Variants in NTRK2 observed in about 807,000 individuals in gnomAD.
The protein encoded by NTRK2 is neurotrophic receptor tyrosine kinase 2, also known as BDNF/NT-3 growth factors receptor.
NTRK2 carries 13 observed loss-of-function variants against 94.5 expected under a neutral mutation model. That is an observed-to-expected ratio of 0.14 (90% CI 0.09 to 0.22). The LOEUF is 0.22. NTRK2 is among the 10% of genes least tolerant of loss of function. The pLI is 1.00. For synonymous variants in NTRK2, 372 were observed against 407.4 expected (o/e 0.91, Z 1.05); for missense variants, 639 against 1,071.2 (o/e 0.60, Z 5.63).
chr9:84,830,291 A>T (rs561566746), intron 12 of NTRK2, among the ~76,000 whole-genome samples: 42 of 152,292 alleles, frequency 2.8e-4, no homozygotes, highest in African/African-American at 9.6e-4. Flanking sequence ...AGTTTCCTGT[A>T]CACAGAATGT....
intron 6 of NTRK2, among the ~76,000 whole-genome samples, chr9:84,716,520 C>T (rs1432475995): frequency 6.6e-5 from 10 of 152,106 alleles, no homozygotes; most frequent in Non-Finnish European, 1.2e-4. Flanking sequence ...TTAACACTCC[C>T]AGATTAAAAG....
chr9:84,760,099 A>G (rs1276688088), intron 12 of NTRK2, among the ~76,000 whole-genome samples: 1 of 152,192 alleles, frequency 6.6e-6, no homozygotes, highest in Admixed American at 6.5e-5. Flanking sequence ...CTTCAACCCA[A>G]GGAACATATA....
At chr9:84,799,181 A>C (rs963701075) in intron 12 of NTRK2, among the ~76,000 whole-genome samples, 24 of 152,176 alleles carry the variant, frequency 1.6e-4, no homozygotes, top group South Asian at 4.2e-4. Context: ...GCAGGTTGGC[A>C]TTCCTAGAAA....
At chr9:84,963,457 G>A (rs762387138) in intron 17 of NTRK2, among the ~76,000 whole-genome samples, 7 of 152,168 alleles carry the variant, frequency 4.6e-5, no homozygotes, top group East Asian at 1.9e-4. Context: ...ACTATAAATC[G>A]AAGTGATACA....
intron 17 of NTRK2, among the ~76,000 whole-genome samples, chr9:84,986,367 T>C (rs1469785695): frequency 1.3e-5 from 2 of 152,174 alleles, no homozygotes; most frequent in Non-Finnish European, 1.5e-5. Flanking sequence ...TCATCATCAT[T>C]AGCTAGATTC....
chr9:85,013,076 C>T (rs1239450989), intron 17 of NTRK2, among the ~76,000 whole-genome samples: 1 of 152,144 alleles, frequency 6.6e-6, no homozygotes, highest in Non-Finnish European at 1.5e-5. Context: ...GGAGATGAAG[C>T]TGGTTCCAGC....
At chr9:84,947,392 G>A (rs1487601011) in intron 15 of NTRK2, among the ~76,000 whole-genome samples, 1 of 152,216 alleles carries the variant, frequency 6.6e-6, no homozygotes, top group African/African-American at 2.4e-5. Context: ...CATATTCACA[G>A]GCTCCCAGGA....
At chr9:84,771,719 G>A (rs1000418869) in intron 12 of NTRK2, among the ~76,000 whole-genome samples, 16 of 152,170 alleles carry the variant, frequency 1.1e-4, no homozygotes, top group African/African-American at 3.1e-4. Flanking sequence ...CTTCAGGAAT[G>A]CTTCTCTGAT....
chr9:84,891,831 T>G (rs2076603912), intron 14 of NTRK2, among the ~76,000 whole-genome samples: 1 of 152,198 alleles, frequency 6.6e-6, no homozygotes, highest in South Asian at 2.1e-4. Flanking sequence ...CCTGTTTTAT[T>G]AAGATGTCCA....
At chr9:84,848,442 T>C (rs1435276661) in intron 12 of NTRK2, among the ~76,000 whole-genome samples, 1 of 152,200 alleles carries the variant, frequency 6.6e-6, no homozygotes, top group East Asian at 1.9e-4. Context: ...GATCACCTAG[T>C]TATGTACCCA....
intron 17 of NTRK2, among the ~76,000 whole-genome samples, chr9:84,969,110 G>A (rs13295599): frequency 0.053 from 8,006 of 152,252 alleles, 248 homozygotes; most frequent in Non-Finnish European, 0.075. Context: ...TGTTTATGAG[G>A]TCTTTAGGAA....
chr9:84,823,832 T>G (rs184777837), intron 12 of NTRK2, among the ~76,000 whole-genome samples: 5 of 152,356 alleles, frequency 3.3e-5, no homozygotes, highest in African/African-American at 1.2e-4. Context: ...TTTGTGACTT[T>G]CTGGCTGGAC....
intron 14 of NTRK2, among the ~76,000 whole-genome samples, chr9:84,899,927 A>G (rs1490652443): frequency 6.6e-6 from 1 of 152,154 alleles, no homozygotes; most frequent in African/African-American, 2.4e-5. Flanking sequence ...TGGAAAGAAA[A>G]TTCCTGCCCT....
intron 12 of NTRK2, among the ~76,000 whole-genome samples, chr9:84,780,628 G>A (rs1403086359): frequency 6.6e-6 from 1 of 152,190 alleles, no homozygotes; most frequent in East Asian, 1.9e-4. Flanking sequence ...TACCTTAAGA[G>A]TCTGTGATTC....
chr9:84,957,649 G>A (rs2133008216), intron 17 of NTRK2, among the ~76,000 whole-genome samples: 1 of 152,294 alleles, frequency 6.6e-6, no homozygotes, highest in Non-Finnish European at 1.5e-5. Context: ...GTGGGAATGT[G>A]AAATGGTGCA....
chr9:84,779,200 C>T (rs2067329964), intron 12 of NTRK2, among the ~76,000 whole-genome samples: 3 of 152,212 alleles, frequency 2.0e-5, no homozygotes, highest in Non-Finnish European at 2.9e-5. Flanking sequence ...CATAGGTGCT[C>T]ATTCTGAAGG....
intron 2 of NTRK2, among the ~76,000 whole-genome samples, chr9:84,696,680 T>G (rs1285646421): frequency 1.3e-5 from 2 of 152,214 alleles, no homozygotes; most frequent in African/African-American, 2.4e-5. Flanking sequence ...TTGCTCTAAT[T>G]CTTAATTGCA....
chr9:84,884,472 A>G (rs1267955291), intron 14 of NTRK2, among the ~76,000 whole-genome samples: 1 of 152,160 alleles, frequency 6.6e-6, no homozygotes, highest in Non-Finnish European at 1.5e-5. Context: ...AGACTTTTTT[A>G]AAAAAAGAAG....
intron 17 of NTRK2, among the ~76,000 whole-genome samples, chr9:85,014,397 A>G (rs987787957): frequency 6.6e-6 from 1 of 152,240 alleles, no homozygotes; most frequent in African/African-American, 2.4e-5. Context: ...GATAGCAAAC[A>G]ACAACAACTC....
Sources: gnomAD v4.1 joint callset for allele counts (sites outside exome capture counted in the v4.1 genomes callset) on GRCh38, gnomAD v4.1.1 for gene constraint, MANE v1.5 for transcripts, NCBI Gene and HGNC (gene_info 2026-07-23, HGNC 2026-07-21) for gene names.